ZMAT1: variants seen among roughly 807,000 people sequenced by gnomAD.
The protein encoded by ZMAT1 is zinc finger matrin-type protein 1.
In ZMAT1, 11 loss-of-function variants were observed where a neutral mutation model predicts 18.5. That is an observed-to-expected ratio of 0.59 (90% CI 0.37 to 0.98). The LOEUF (loss-of-function observed/expected upper bound fraction) is 0.98, where lower values mean the gene tolerates loss of function less well. Ranked by LOEUF, ZMAT1 falls within the 50% of genes least tolerant of loss-of-function variation. The pLI is 0.01. For synonymous variants in ZMAT1, 211 were observed against 176.4 expected, an observed-to-expected ratio of 1.20 and a Z score of -1.55; for missense variants, 525 against 496.2, an observed-to-expected ratio of 1.06 and a Z score of -0.55.
intron 2 of ZMAT1, among the ~76,000 whole-genome samples, chrX:101,901,067 G>T (rs1928193792): frequency 1.8e-5 from 2 of 110,768 alleles, no homozygotes; most frequent in South Asian, 7.6e-4. Flanking sequence ...TTTCTTTGCA[G>T]CTATTGTAAA....
At chrX:101,924,981 C>T (rs1332133455) in intron 1 of ZMAT1, among the ~76,000 whole-genome samples, 2 of 111,859 alleles carry the variant, frequency 1.8e-5, no homozygotes, top group Non-Finnish European at 3.8e-5. Context: ...CTGAATTTCA[C>T]ACTTAAAATG....
intron 1 of ZMAT1, among the ~76,000 whole-genome samples, chrX:101,930,883 T>C (rs1420679850): frequency 8.9e-6 from 1 of 112,436 alleles, no homozygotes; most frequent in Non-Finnish European, 1.9e-5. Flanking sequence ...CTTATATTGA[T>C]ACAGTCAAGA....
intron 1 of ZMAT1, among the ~76,000 whole-genome samples, chrX:101,914,092 C>G (rs1929139256): frequency 9.0e-6 from 1 of 111,024 alleles, no homozygotes. Flanking sequence ...CCTCAATAAC[C>G]AGTGGCTCAA....
intron 1 of ZMAT1, chrX:101,915,835 G>T (rs1490842408): frequency 6.2e-5 from 7 of 112,178 alleles, no homozygotes; most frequent in Non-Finnish European, 9.4e-5. Flanking sequence ...ACAGTGCAGT[G>T]ATTCTTAAGG....
chrX:101,929,224 C>T (rs1004491868), intron 1 of ZMAT1, among the ~76,000 whole-genome samples: 20 of 108,966 alleles, frequency 1.8e-4, no homozygotes, highest in African/African-American at 6.3e-4. Context: ...TTTAATGATC[C>T]TATAAGGAGT....
chrX:101,911,522 TA>T, intron 1 of ZMAT1: 1 of 1,009,831 alleles, frequency 9.9e-7, no homozygotes. Flanking sequence ...AACAAAAAGT[TA>T]AAAAGTCACC....
chrX:101,902,171 A>G (rs1285168163), intron 2 of ZMAT1, among the ~76,000 whole-genome samples: 1 of 111,740 alleles, frequency 8.9e-6, no homozygotes, highest in African/African-American at 3.2e-5. Context: ...TTTTGCCAGT[A>G]TTATGGTTCT....
intron 1 of ZMAT1, among the ~76,000 whole-genome samples, chrX:101,922,692 G>C (rs1173506658): frequency 9.0e-6 from 1 of 111,323 alleles, no homozygotes; most frequent in Non-Finnish European, 1.9e-5. Context: ...CTTAAAAAGA[G>C]ACTTGATCTC....
chrX:101,919,512 C>T (rs935950550), intron 1 of ZMAT1, among the ~76,000 whole-genome samples: 2 of 111,606 alleles, frequency 1.8e-5, no homozygotes, highest in Admixed American at 1.9e-4. Context: ...TTGGAGATGA[C>T]AAACTACGTG....
chrX:101,892,718 C>A, intron 4 of ZMAT1: 1 of 747,739 alleles, frequency 1.3e-6, no homozygotes, highest in South Asian at 6.8e-5. Context: ...AGTTCCATAT[C>A]GTTATGGTAG....
intron 1 of ZMAT1, chrX:101,915,628 TAC>T (rs1326278100): frequency 8.9e-6 from 1 of 112,279 alleles, no homozygotes; most frequent in Non-Finnish European, 1.9e-5. Flanking sequence ...ACTGGAATGA[TAC>T]AGAGAAAATT....
At chrX:101,894,091 T>C (rs918975851) in intron 4 of ZMAT1, among the ~76,000 whole-genome samples, 6 of 111,449 alleles carry the variant, frequency 5.4e-5, no homozygotes, top group African/African-American at 2.0e-4. Context: ...GGGGGTGGGT[T>C]TGGGGAAACA....
At position 101,914,036 on chromosome X, in the gene ZMAT1, G is replaced by A. The variant is rs767712050; in HGVS notation, c.293-9706C>T. On this transcript the variant is annotated intron_variant, in intron 1 of 5. Transcript: ENST00000651725. ...ATAAAACTAGAAATCAATAATAATA[G>A]GAATTTTGAAAACTATACAAATACA... 4.5e-5 allele frequency among the ~76,000 whole-genome samples: 5 copies of A among 111,148 alleles called. No individual in the cohort carries two copies. The South Asian group carries it at 1.9e-3, about 41-fold the overall frequency.
intron 1 of ZMAT1, among the ~76,000 whole-genome samples, chrX:101,930,168 T>C (rs988973210): frequency 8.9e-6 from 1 of 112,255 alleles, no homozygotes; most frequent in African/African-American, 3.2e-5. Flanking sequence ...TATTTTTTTT[T>C]CCACGAGATA....
At chrX:101,911,588 G>A in intron 1 of ZMAT1, 5 of 1,163,306 alleles carry the variant, frequency 4.3e-6, no homozygotes, top group South Asian at 1.8e-5. Flanking sequence ...TGCAATGACT[G>A]TAGCAAGGCA....
intron 4 of ZMAT1, among the ~76,000 whole-genome samples, chrX:101,895,362 CTA>C (rs1927724104): frequency 9.0e-6 from 1 of 110,627 alleles, no homozygotes; most frequent in Admixed American, 9.6e-5. Flanking sequence ...ATGAGAATTC[CTA>C]TGTTTGATTC....
chrX:101,895,759 T>C, intron 4 of ZMAT1: 1 of 674,964 alleles, frequency 1.5e-6, no homozygotes. Flanking sequence ...GTTCGGATTA[T>C]TCAAACCCAA....
intron 1 of ZMAT1, among the ~76,000 whole-genome samples, chrX:101,913,031 T>TG (rs1432969391): frequency 9.0e-6 from 1 of 111,172 alleles, no homozygotes; most frequent in East Asian, 2.8e-4. Context: ...AAAAAAAAAG[T>TG]GGGGGGATGA....
In ZMAT1 at chrX:101,898,208, C is replaced by G; in HGVS notation, c.412G>C (p.Ala138Pro). 1.7e-6 allele frequency: 2 copies of G among 1,205,944 alleles called. No homozygotes were observed. The highest frequency in any genetic ancestry group is 2.2e-6 in the Non-Finnish European group (2 of 890,919). Residue 138 changes from alanine to proline, a missense_variant, in exon 3 of 6, where the codon GCT becomes CCT. Transcript: ENST00000651725. ...TGAAAATAAAAACTAACATTTTGAG[C>G]ATGTTTTTCACCCTGAAAAAAGATA... ...RISHYEGEKH[A>P]QNVSFYFQMH...
Sources: allele counts gnomAD v4.1 joint callset (sites outside exome capture counted in the v4.1 genomes callset), GRCh38; gene constraint gnomAD v4.1.1; transcripts MANE v1.5; gene names NCBI Gene and HGNC (gene_info 2026-07-23, HGNC 2026-07-21).